UNC13C: variants seen among roughly 807,000 people sequenced by gnomAD.
UNC13C encodes protein unc-13 homolog C.
In UNC13C, 174 loss-of-function variants were observed where a neutral mutation model predicts 245.4. That is an observed-to-expected ratio of 0.71 (90% CI 0.63 to 0.80). The LOEUF is 0.80. Ranked by LOEUF, UNC13C falls within the 30% of genes least tolerant of loss-of-function variation. The pLI, the probability that UNC13C is intolerant of heterozygous loss-of-function variation, is 0.00. For missense variants in UNC13C, 2,829 were observed against 2,602.9 expected (o/e 1.09, Z -1.89); for synonymous variants, 992 against 895.1 (o/e 1.11, Z -1.93).
At chr15:54,493,405 T>A (rs1893809820) in intron 19 of UNC13C, among the ~76,000 whole-genome samples, 1 of 152,056 alleles carries the variant, frequency 6.6e-6, no homozygotes, top group South Asian at 2.1e-4. Context: ...CTCTCCTCTC[T>A]CTCTCTTTCT....
intron 14 of UNC13C, among the ~76,000 whole-genome samples, chr15:54,322,971 G>A (rs911902527): frequency 6.6e-5 from 10 of 151,340 alleles, no homozygotes; most frequent in Admixed American, 2.0e-4. Flanking sequence ...AGGCAGTAGC[G>A]CTGTTCAGTA....
At chr15:53,938,319 A>T in the UNC13C span, among the ~76,000 whole-genome samples, 2 of 152,230 alleles carry the variant, frequency 1.3e-5, no homozygotes, top group Admixed American at 1.3e-4. Flanking sequence ...CAACAAGAAG[A>T]GCTAACTATC....
chr15:53,960,804 C>G, the UNC13C span, among the ~76,000 whole-genome samples: 2 of 152,178 alleles, frequency 1.3e-5, no homozygotes, highest in African/African-American at 4.8e-5. Flanking sequence ...TTCTCTGCAG[C>G]CAACTTGTTA....
At chr15:54,592,395 T>C (rs1020230812) in intron 30 of UNC13C, among the ~76,000 whole-genome samples, 1 of 152,202 alleles carries the variant, frequency 6.6e-6, no homozygotes, top group African/African-American at 2.4e-5. Flanking sequence ...CAGTGGAGTA[T>C]TGAAGTCCCC....
intron 2 of UNC13C, among the ~76,000 whole-genome samples, chr15:54,082,338 C>T (rs11636898): frequency 6.6e-6 from 1 of 151,948 alleles, no homozygotes; most frequent in African/African-American, 2.4e-5. Context: ...GGCAATTTTC[C>T]TGAACTATTC....
the UNC13C span, among the ~76,000 whole-genome samples, chr15:53,874,731 G>T: frequency 6.6e-6 from 1 of 152,118 alleles, no homozygotes; most frequent in Non-Finnish European, 1.5e-5. Flanking sequence ...ACTTATACCA[G>T]GTACTGCTGG....
chr15:54,628,844 T>C (rs979871935), downstream of UNC13C: 2 of 152,108 alleles, frequency 1.3e-5, no homozygotes, highest in Non-Finnish European at 2.9e-5. Flanking sequence ...GGAGTGTAAA[T>C]TACTTCAATT....
intron 4 of UNC13C, among the ~76,000 whole-genome samples, chr15:54,147,374 C>A (rs1396902492): frequency 6.6e-6 from 1 of 152,010 alleles, no homozygotes; most frequent in Non-Finnish European, 1.5e-5. Context: ...CGCCCTCCAC[C>A]ACGCCCGGCC....
At chr15:54,611,351 G>T (rs570730226) in intron 30 of UNC13C, 2 of 152,194 alleles carry the variant, frequency 1.3e-5, no homozygotes, top group South Asian at 2.1e-4. Flanking sequence ...GATGCAATTG[G>T]TTAACAGGAT....
intron 1 of UNC13C, among the ~76,000 whole-genome samples, chr15:53,999,097 A>G (rs565894307): frequency 6.6e-6 from 1 of 151,962 alleles, no homozygotes; most frequent in Non-Finnish European, 1.5e-5. Context: ...TTTTGAAATC[A>G]TGGTTTTGTG....
chr15:54,546,806 A>C lies in UNC13C; in HGVS notation c.5781A>C (p.Ile1927=), dbSNP rs745837893. The C allele has an allele frequency of 1.3e-6, 2 of 1,577,776 alleles. No individual in the cohort carries two copies. Among genetic ancestry groups the C allele is most frequent in the East Asian group, 4.6e-5 (2 of 43,642 alleles). The change falls in exon 27 of 33, where the codon ATA becomes ATC. Residue 1927 remains isoleucine (I), a synonymous_variant. Transcript: ENST00000260323. ...KELWKLVLNK[I]EKQIVLPPLT... is the part of the protein sequence containing the mutation. The stretch of plus-strand genomic sequence containing the variant: ...TATGGAAGCTAGTTCTCAACAAAAT[A>C]GAAAAACAAATTGTTCTTCCTCCTC...
chr15:54,587,971 GC>G (rs1898579716), intron 30 of UNC13C, among the ~76,000 whole-genome samples: 1 of 152,138 alleles, frequency 6.6e-6, no homozygotes, highest in South Asian at 2.1e-4. Context: ...ACTAACATTG[GC>G]CCTGGGCACA....
At chr15:53,958,916 G>A in the UNC13C span, among the ~76,000 whole-genome samples, 12 of 152,064 alleles carry the variant, frequency 7.9e-5, no homozygotes, top group Non-Finnish European at 1.2e-4. Context: ...CTGCATTTAT[G>A]TATCCATTAA....
chr15:54,084,421 T>C (rs956442044), intron 2 of UNC13C, among the ~76,000 whole-genome samples: 1 of 152,236 alleles, frequency 6.6e-6, no homozygotes, highest in Non-Finnish European at 1.5e-5. Flanking sequence ...ATCTACCTTG[T>C]TTCCTTCTTA....
intron 17 of UNC13C, among the ~76,000 whole-genome samples, chr15:54,367,884 T>C (rs780289779): frequency 6.6e-6 from 1 of 152,176 alleles, no homozygotes; most frequent in Non-Finnish European, 1.5e-5. Flanking sequence ...TACTGAAGTT[T>C]GTACTTTATT....
At chr15:54,624,083 C>A in intron 32 of UNC13C, 129 bp downstream of exon 32, 1 of 1,130,430 alleles carries the variant, frequency 8.8e-7, no homozygotes, top group Non-Finnish European at 1.3e-6. Flanking sequence ...CCCTTCCATT[C>A]ATTCAATATC....
At chr15:54,321,244 C>T in intron 13 of UNC13C, 1 of 484,556 alleles carries the variant, frequency 2.1e-6, no homozygotes, top group Non-Finnish European at 4.0e-6. Context: ...ACAAGCAAGA[C>T]CCCTTTTCTT....
At chr15:54,155,545 CA>C (rs1216292626) in intron 4 of UNC13C, among the ~76,000 whole-genome samples, 8 of 151,274 alleles carry the variant, frequency 5.3e-5, no homozygotes, top group African/African-American at 1.5e-4. Context: ...ATATTTTCCA[CA>C]ATTTAGAGAA....
At chr15:54,082,804 G>C (rs902200534) in intron 2 of UNC13C, among the ~76,000 whole-genome samples, 1 of 151,980 alleles carries the variant, frequency 6.6e-6, no homozygotes, top group African/African-American at 2.4e-5. Context: ...ATAATCATCC[G>C]GTTTTGTTTC....
Sources: allele counts gnomAD v4.1 joint callset (sites outside exome capture counted in the v4.1 genomes callset), GRCh38; gene constraint gnomAD v4.1.1; transcripts MANE v1.5; gene names NCBI Gene and HGNC (gene_info 2026-07-23, HGNC 2026-07-21).